The following SERPINB5 variants were observed in gnomAD, a reference collection of about 807,000 sequenced individuals.
SERPINB5 encodes the protein serpin family B member 5, also known as serpin B5.
Under a neutral mutation model 32.2 loss-of-function variants are expected in SERPINB5, and 27 were observed. The ratio of observed to expected loss-of-function variants is 0.84; its 90% confidence interval spans 0.62 to 1.16. SERPINB5 has a LOEUF of 1.16. Among genes scored for constraint, SERPINB5 ranks in the 50% most tolerant of loss-of-function variants. SERPINB5 has a pLI of 0.00. For missense variants in SERPINB5, 388 were observed against 436.3 expected (o/e 0.89, Z 0.99); for synonymous variants, 154 against 157.4 (o/e 0.98, Z 0.16).
At position 63,504,004 on chromosome 18, in the gene SERPINB5, C is replaced by G; in HGVS notation, c.*282C>G. 2.7e-6 allele frequency: 1 copy of G among 369,312 alleles called. No homozygotes were observed. Among genetic ancestry groups the G allele is most frequent in the Non-Finnish European group, 4.8e-6 (1 of 206,438 alleles). 22.9% of individuals were successfully genotyped at this position (369,312 alleles called of 1,614,324 possible). ...ATTTATTCATTATTTGTCAAATTGTCCGGGGTAGTTGGCAGAAATACAGTC... is the reference window on the plus strand; with the variant it reads ...ATTTATTCATTATTTGTCAAATTGTGCGGGGTAGTTGGCAGAAATACAGTC... On this transcript the variant is annotated 3_prime_UTR_variant, in exon 7 of 7. Coordinates refer to ENST00000382771, the MANE Select transcript of SERPINB5 (RefSeq NM_002639.5).
At position 63,493,241 on chromosome 18, in the gene SERPINB5, G is replaced by T. The variant is rs776807083; in HGVS notation, c.567+146G>T. ...CTTTCCTGAGATGAACAGCTGGAAGGTAAGTGGTACAAAAAGAGCCAGAAT... is the reference window on the plus strand; with the variant it reads ...CTTTCCTGAGATGAACAGCTGGAAGTTAAGTGGTACAAAAAGAGCCAGAAT... On this transcript the variant is annotated intron_variant, in intron 5 of 6. Coordinates refer to ENST00000382771, the MANE Select transcript of SERPINB5 (RefSeq NM_002639.5). 4.0e-6 allele frequency: 4 copies of T among 1,004,726 alleles called. No individual in the cohort carries two copies. In the Admixed American group the frequency reaches 7.6e-5, roughly 19 times the overall value. 62.2% of individuals were successfully genotyped at this position (1,004,726 alleles called of 1,614,324 possible). A position where few individuals can be genotyped will look rare whatever the true frequency, so the allele number is the denominator to read the frequency against.
At chr18:63,484,088 C>T (rs1411760071) in intron 1 of SERPINB5, among the ~76,000 whole-genome samples, 1 of 152,152 alleles carries the variant, frequency 6.6e-6, no homozygotes, top group Non-Finnish European at 1.5e-5. Context: ...ATAAATAAAA[C>T]CAACTGATGT....
chr18:63,501,366 C>A (rs1160082141), intron 6 of SERPINB5, among the ~76,000 whole-genome samples: 3 of 152,096 alleles, frequency 2.0e-5, no homozygotes, highest in African/African-American at 7.2e-5. Context: ...CTACAAAGGA[C>A]ACGAACTCAT....
Position 63,490,140 on chromosome 18 carries a change from A to C in SERPINB5, c.424+676A>C, listed in dbSNP as rs529142333. Among the ~76,000 whole-genome samples the C allele has an allele frequency of 1.8e-4, 27 of 151,194 alleles. No homozygotes were observed. The South Asian group carries it at 5.1e-3, about 28-fold the overall frequency. On this transcript the variant is annotated intron_variant, in intron 4 of 6. Transcript: ENST00000382771. ...CCGGGAGGCGGAGCTTGCAGTGAGC[A>C]GAGATCGCGCCACTGCACTCCAGCC...
chr18:63,490,627 T>G (rs114240172), intron 4 of SERPINB5: 1 of 152,180 alleles, frequency 6.6e-6, no homozygotes, highest in African/African-American at 2.4e-5. Flanking sequence ...ACTCTGTCTC[T>G]GTACTGACTG....
intron 3 of SERPINB5, among the ~76,000 whole-genome samples, chr18:63,488,035 A>G (rs1239331397): frequency 6.6e-6 from 1 of 151,992 alleles, no homozygotes; most frequent in African/African-American, 2.4e-5. Context: ...AAAAACTGAG[A>G]TGTGAGTTGA....
At chr18:63,491,896 ATAT>A (rs781243395) in intron 4 of SERPINB5, among the ~76,000 whole-genome samples, 24 of 152,180 alleles carry the variant, frequency 1.6e-4, no homozygotes, top group Non-Finnish European at 3.1e-4. Context: ...TATATTTAAC[ATAT>A]TATATAGCAT....
intron 6 of SERPINB5, 75 bp downstream of exon 6, chr18:63,499,362 G>A: frequency 7.6e-7 from 1 of 1,317,074 alleles, no homozygotes; most frequent in Non-Finnish European, 1.0e-6. Context: ...GGTCTGTGTG[G>A]GCCGTGAGAG....
At chr18:63,483,869 A>T (rs943008680) in intron 1 of SERPINB5, among the ~76,000 whole-genome samples, 1 of 152,220 alleles carries the variant, frequency 6.6e-6, no homozygotes, top group African/African-American at 2.4e-5. Flanking sequence ...TTAGTTAAGA[A>T]ATAGGACATA....
intron 1 of SERPINB5, among the ~76,000 whole-genome samples, chr18:63,482,975 C>G (rs982792271): frequency 6.6e-6 from 1 of 151,910 alleles, no homozygotes; most frequent in African/African-American, 2.4e-5. Context: ...GTCATATAGC[C>G]TCTGGAAAAC....
chr18:63,490,291 G>A (rs1352715677), intron 4 of SERPINB5, among the ~76,000 whole-genome samples: 1 of 152,144 alleles, frequency 6.6e-6, no homozygotes, highest in African/African-American at 2.4e-5. Flanking sequence ...CGGGGTCCAA[G>A]AAGCTCCTAG....
In SERPINB5 at chr18:63,483,805, A is replaced by G. The variant is rs1048803634; in HGVS notation, c.-7-617A>G. ...TTATTCCTTTAAGGACACCAGTCAT[A>G]TCGGATTAGGGCTCACCTAACTCCA... is the stretch of plus-strand genomic sequence containing the variant. On this transcript the variant is annotated intron_variant, in intron 1 of 6. Transcript: ENST00000382771. Among the ~76,000 whole-genome samples the G allele has an allele frequency of 5.3e-5, 8 of 152,340 alleles. No individual in the cohort carries two copies. The East Asian group carries it at 1.4e-3, about 26-fold the overall frequency.
At chr18:63,497,358 C>A in intron 5 of SERPINB5, 2 of 1,307,586 alleles carry the variant, frequency 1.5e-6, no homozygotes, top group Non-Finnish European at 1.1e-6. Context: ...CCATGGGGCT[C>A]TTCTGTTTGA....
chr18:63,502,523 A>AT (rs1161637205), intron 6 of SERPINB5, among the ~76,000 whole-genome samples: 1 of 148,290 alleles, frequency 6.7e-6, no homozygotes, highest in Non-Finnish European at 1.5e-5. Flanking sequence ...TCAAATTCCC[A>AT]TTAAAAAAAA....
intron 4 of SERPINB5, among the ~76,000 whole-genome samples, chr18:63,490,343 G>A (rs910792005): frequency 8.6e-5 from 13 of 151,986 alleles, no homozygotes; most frequent in African/African-American, 2.9e-4. Flanking sequence ...CGTCTCCCTC[G>A]TCGGACTCCT....
At chr18:63,489,284 A>G in intron 3 of SERPINB5, 63 bp from the exon 4 acceptor site, 1 of 908,980 alleles carries the variant, frequency 1.1e-6, no homozygotes, top group South Asian at 1.6e-5. Flanking sequence ...CTTTTGTTAG[A>G]AGAGAATAAC....
At chr18:63,481,374 A>G (rs905727612) in intron 1 of SERPINB5, among the ~76,000 whole-genome samples, 1 of 152,264 alleles carries the variant, frequency 6.6e-6, no homozygotes, top group Admixed American at 6.5e-5. Flanking sequence ...CCATCTTTCT[A>G]TACAAAGGAA....
chr18:63,477,582 A>T (rs1179161037), intron 1 of SERPINB5, among the ~76,000 whole-genome samples: 2 of 152,170 alleles, frequency 1.3e-5, no homozygotes. Flanking sequence ...ATCGCTGTTC[A>T]TCTACTTGCA....
chr18:63,489,323 T>C (rs781285816), intron 3 of SERPINB5, 24 bp from the exon 4 acceptor site: 5 of 1,356,640 alleles, frequency 3.7e-6, no homozygotes, highest in Non-Finnish European at 5.2e-6. Flanking sequence ...CAGACTCTGA[T>C]TTTATGAACT....
Sources: gnomAD v4.1 joint callset for allele counts (sites outside exome capture counted in the v4.1 genomes callset) on GRCh38, gnomAD v4.1.1 for gene constraint, MANE v1.5 for transcripts, NCBI Gene and HGNC (gene_info 2026-07-23, HGNC 2026-07-21) for gene names.